Variants in PCSK2 observed in about 807,000 individuals in gnomAD.
PCSK2 encodes the protein neuroendocrine convertase 2.
In PCSK2, 14 loss-of-function variants were observed where a neutral mutation model predicts 69.7. The ratio of observed to expected loss-of-function variants is 0.20; its 90% CI spans 0.13 to 0.31. The LOEUF is 0.31. PCSK2 is among the 10% of genes least tolerant of loss of function. PCSK2 has a pLI of 1.00. For missense variants in PCSK2, 544 were observed against 842.5 expected (o/e 0.65, Z 4.39); for synonymous variants, 307 against 320.7 (o/e 0.96, Z 0.46).
intron 2 of PCSK2, among the ~76,000 whole-genome samples, chr20:17,329,003 G>T (rs925771960): frequency 1.3e-5 from 2 of 152,152 alleles, no homozygotes; most frequent in Non-Finnish European, 2.9e-5. Context: ...TTTTCAGAAC[G>T]TGGTTGCTAT....
chr20:17,289,312 C>T (rs886567729), intron 2 of PCSK2, among the ~76,000 whole-genome samples: 3 of 152,042 alleles, frequency 2.0e-5, no homozygotes, highest in African/African-American at 7.2e-5. Context: ...AAAAATAACA[C>T]AGCAAGTCAC....
At chr20:17,366,115 T>C (rs768866435) in intron 4 of PCSK2, among the ~76,000 whole-genome samples, 3 of 152,040 alleles carry the variant, frequency 2.0e-5, no homozygotes, top group Non-Finnish European at 2.9e-5. Context: ...AGGGTTAGGG[T>C]TAGGGTTAAA....
intron 7 of PCSK2, among the ~76,000 whole-genome samples, chr20:17,432,940 A>G (rs1433208460): frequency 6.6e-6 from 1 of 152,188 alleles, no homozygotes; most frequent in Non-Finnish European, 1.5e-5. Context: ...ACAACTCATG[A>G]AAGAGGACAG....
At chr20:17,455,594 T>C (rs1213288864) in intron 9 of PCSK2, among the ~76,000 whole-genome samples, 2 of 152,224 alleles carry the variant, frequency 1.3e-5, no homozygotes, top group Non-Finnish European at 1.5e-5. Flanking sequence ...TCTTCGGGAA[T>C]GCCTTCTTTC....
At chr20:17,369,530 C>T (rs558570964) in intron 5 of PCSK2, among the ~76,000 whole-genome samples, 2 of 152,324 alleles carry the variant, frequency 1.3e-5, no homozygotes, top group Admixed American at 1.3e-4. Context: ...GGCACACATG[C>T]ATGCACACAC....
At chr20:17,237,220 C>G (rs1173840103) in intron 1 of PCSK2, among the ~76,000 whole-genome samples, 3 of 152,040 alleles carry the variant, frequency 2.0e-5, no homozygotes, top group Admixed American at 6.6e-5. Flanking sequence ...TATTGAAGCT[C>G]AAGGCTCCAA....
At chr20:17,364,134 TA>T (rs34372117) in intron 4 of PCSK2, among the ~76,000 whole-genome samples, 12,433 of 136,804 alleles carry the variant, frequency 0.091, 610 homozygotes, top group African/African-American at 0.17. Flanking sequence ...ACTTAAAGTA[TA>T]AAAAAAAAAA....
chr20:17,363,447 A>T (rs2030473770), intron 4 of PCSK2, among the ~76,000 whole-genome samples: 1 of 152,256 alleles, frequency 6.6e-6, no homozygotes, highest in Non-Finnish European at 1.5e-5. Flanking sequence ...TCACCTATGT[A>T]GATATTAGCA....
intron 2 of PCSK2, among the ~76,000 whole-genome samples, chr20:17,350,321 T>A (rs910615115): frequency 6.6e-6 from 1 of 151,336 alleles, no homozygotes; most frequent in African/African-American, 2.4e-5. Flanking sequence ...ATCAAGGACA[T>A]CATAGATTAA....
At chr20:17,317,855 A>G (rs1989737703) in intron 2 of PCSK2, among the ~76,000 whole-genome samples, 1 of 152,248 alleles carries the variant, frequency 6.6e-6, no homozygotes, top group Non-Finnish European at 1.5e-5. Flanking sequence ...TTTTAAAAAA[A>G]GATGTAGACG....
intron 5 of PCSK2, among the ~76,000 whole-genome samples, chr20:17,379,941 C>T (rs1023879618): frequency 2.0e-5 from 3 of 152,170 alleles, no homozygotes; most frequent in African/African-American, 7.2e-5. Flanking sequence ...CTTGAAGATG[C>T]CACTGCCATA....
At chr20:17,310,546 A>T (rs1190826811) in intron 2 of PCSK2, among the ~76,000 whole-genome samples, 1 of 152,052 alleles carries the variant, frequency 6.6e-6, no homozygotes, top group Admixed American at 6.6e-5. Context: ...ATGCATGTGC[A>T]GTTATTCAAG....
At chr20:17,402,872 G>T (rs1417511281) in intron 5 of PCSK2, among the ~76,000 whole-genome samples, 1 of 151,832 alleles carries the variant, frequency 6.6e-6, no homozygotes, top group African/African-American at 2.4e-5. Context: ...CGGGAGAATG[G>T]CATGAACCTG....
intron 2 of PCSK2, among the ~76,000 whole-genome samples, chr20:17,314,828 T>C (rs1178497609): frequency 1.3e-5 from 2 of 152,196 alleles, no homozygotes; most frequent in African/African-American, 4.8e-5. Context: ...TATCAGAAGC[T>C]TCTTGAATGT....
rs79092690 is a variant in PCSK2, at chr20:17,296,385, C to T, written c.282+36041C>T. On this transcript the variant is annotated intron_variant, in intron 2 of 11. Coordinates refer to ENST00000262545, the MANE Select transcript of PCSK2 (RefSeq NM_002594.5). Reference sequence around the variant, plus strand: ...ATCTAAAATTATAAAGAATTACCAACTTTTAAAGATAAACATTAAATAAGA... The same window carrying T: ...ATCTAAAATTATAAAGAATTACCAATTTTTAAAGATAAACATTAAATAAGA... 5.0e-3 allele frequency among the ~76,000 whole-genome samples: 766 copies of T among 152,332 alleles called. 6 individuals carry two copies. The highest frequency in any genetic ancestry group is 0.023 in the East Asian group (120 of 5,196).
At chr20:17,307,858 A>G (rs569102484) in intron 2 of PCSK2, among the ~76,000 whole-genome samples, 1 of 152,354 alleles carries the variant, frequency 6.6e-6, no homozygotes, top group South Asian at 2.1e-4. Context: ...TGGGTAAATT[A>G]TAAAGAAACG....
At chr20:17,445,609 T>C (rs2123367018) in intron 8 of PCSK2, among the ~76,000 whole-genome samples, 1 of 152,330 alleles carries the variant, frequency 6.6e-6, no homozygotes, top group East Asian at 1.9e-4. Context: ...GAGACAGTGA[T>C]TAATCAGGCA....
At chr20:17,449,397 T>A (rs1260506135) in intron 8 of PCSK2, among the ~76,000 whole-genome samples, 2 of 152,112 alleles carry the variant, frequency 1.3e-5, no homozygotes, top group Non-Finnish European at 2.9e-5. Context: ...ACCTATTCCC[T>A]GGATAAAATT....
chr20:17,444,172 A>T (rs565031483), intron 8 of PCSK2, among the ~76,000 whole-genome samples: 37 of 152,306 alleles, frequency 2.4e-4, no homozygotes, highest in Admixed American at 8.5e-4. Flanking sequence ...TCAGAGAATT[A>T]CCTGTTACAC....
Sources: gnomAD v4.1 joint callset for allele counts (sites outside exome capture counted in the v4.1 genomes callset) on GRCh38, gnomAD v4.1.1 for gene constraint, MANE v1.5 for transcripts, NCBI Gene and HGNC (gene_info 2026-07-23, HGNC 2026-07-21) for gene names.